ATP6V1B2: variants seen among roughly 807,000 people sequenced by gnomAD.
ATP6V1B2 encodes V-type proton ATPase subunit B, brain isoform.
ATP6V1B2 carries 23 observed loss-of-function variants against 66.7 expected under a neutral mutation model. The observed-to-expected ratio is 0.34, with a 90% CI of 0.25 to 0.49. The LOEUF (loss-of-function observed/expected upper bound fraction) is 0.49. Among genes scored for constraint, ATP6V1B2 ranks in the 20% least tolerant of loss-of-function variants. ATP6V1B2 has a pLI of 0.99. For synonymous variants in ATP6V1B2, 278 were observed against 236.7 expected, an observed-to-expected ratio of 1.17 and a Z score of -1.60; for missense variants, 478 against 650.8, an observed-to-expected ratio of 0.73 and a Z score of 2.89.
intron 3 of ATP6V1B2, 98 bp from the exon 4 acceptor site, chr8:20,210,248 G>A (rs2072779634): frequency 1.1e-6 from 1 of 904,120 alleles, no homozygotes; most frequent in Non-Finnish European, 1.7e-6. Flanking sequence ...TACATTCATG[G>A]GTTTTACATT....
chr8:20,220,222 G>A (rs1181282612), intron 13 of ATP6V1B2, 41 bp from the exon 14 acceptor site: 2 of 1,594,846 alleles, frequency 1.3e-6, no homozygotes, highest in Non-Finnish European at 1.7e-6. Flanking sequence ...TGCTAAGTTG[G>A]AAGTCATTTG....
Position 20,214,881 on chromosome 8 carries a change from T to C in ATP6V1B2, c.991T>C (p.Leu331=). ...RGFPGYMYTD[L]ATIYERAGRV... Reference sequence around the variant, plus strand: ...TTTTCCAGGTTACATGTATACAGATTTAGCCACGATATATGAACGCGCTGG... The same window carrying C: ...TTTTCCAGGTTACATGTATACAGATCTAGCCACGATATATGAACGCGCTGG... The change falls in exon 10 of 14, where the codon TTA becomes CTA. Residue 331 remains leucine, a synonymous_variant. Coordinates refer to ENST00000276390, the MANE Select transcript of ATP6V1B2 (RefSeq NM_001693.4). 6.2e-7 allele frequency: 1 copy of C among 1,613,652 alleles called. No individual in the cohort carries two copies. Among genetic ancestry groups the C allele is most frequent in the Non-Finnish European group, 8.5e-7 (1 of 1,179,722 alleles).
At chr8:20,211,139 G>A in intron 5 of ATP6V1B2, 38 bp from the exon 6 acceptor site, 1 of 1,591,556 alleles carries the variant, frequency 6.3e-7, no homozygotes, top group Non-Finnish European at 8.5e-7. Context: ...GAATAATGCG[G>A]CAACTTGTTG....
chr8:20,219,190 G>T (rs2072884416), intron 13 of ATP6V1B2, among the ~76,000 whole-genome samples: 1 of 152,098 alleles, frequency 6.6e-6, no homozygotes, highest in African/African-American at 2.4e-5. Flanking sequence ...ACCTTGGTGG[G>T]GACAGAGATT....
At chr8:20,207,072 C>T (rs1327736639) in intron 2 of ATP6V1B2, among the ~76,000 whole-genome samples, 1 of 152,026 alleles carries the variant, frequency 6.6e-6, no homozygotes, top group East Asian at 1.9e-4. Flanking sequence ...GTTCTGTATG[C>T]CAGAGTAACT....
chr8:20,211,676 G>T lies in ATP6V1B2; in HGVS notation c.628G>T (p.Ala210Ser), dbSNP rs1218253637. Residue 210 changes from alanine to serine, a missense_variant, in exon 7 of 14, where the codon GCT becomes TCT. Physicochemically the swap from Ala to Ser is moderately conservative, Grantham distance 99. Transcript: ENST00000276390. ...NEIAAQICRQ[A>S]GLVKKSKDVV... The stretch of plus-strand genomic sequence containing the variant: ...GATTGCAGCTCAGATCTGTCGCCAG[G>T]CTGGTTTGGTAAAGAAATCCAAAGA... The T allele has an allele frequency of 1.2e-6, 2 of 1,611,710 alleles. No individual in the cohort carries two copies. The highest frequency in any genetic ancestry group is 1.7e-6 in the Non-Finnish European group (2 of 1,179,444).
intron 13 of ATP6V1B2, among the ~76,000 whole-genome samples, chr8:20,218,720 G>T (rs775292087): frequency 6.6e-6 from 1 of 152,090 alleles, no homozygotes; most frequent in Non-Finnish European, 1.5e-5. Context: ...TCAGTTACCT[G>T]TTCTTTCTGC....
Position 20,197,436 on chromosome 8 carries a change from C to T in ATP6V1B2, c.30C>T (p.Val10=), listed in dbSNP as rs773003055. 1 of 1,545,706 alleles carries T rather than the reference C, an allele frequency of 6.5e-7. No homozygotes were observed. Among genetic ancestry groups the T allele is most frequent in the South Asian group, 1.2e-5 (1 of 85,024 alleles). Residue 10 remains valine, a synonymous_variant, in exon 1 of 14, where the codon GTC becomes GTT. Coordinates refer to ENST00000276390, the MANE Select transcript of ATP6V1B2 (RefSeq NM_001693.4). The part of the protein sequence containing the change: MALRAMRGI[V]NGAAPELPVP... ...CGCTGCGGGCGATGCGGGGGATTGT[C>T]AACGGGGCCGCACCCGAGCTACCCG...
chr8:20,215,143 G>A (rs2072840666), intron 10 of ATP6V1B2, 175 bp downstream of exon 10: 2 of 751,004 alleles, frequency 2.7e-6, no homozygotes, highest in Non-Finnish European at 3.9e-6. Flanking sequence ...TTATCCTATT[G>A]TGGAGGAAAA....
chr8:20,200,179 ATTTTTAT>A (rs2072670930), intron 1 of ATP6V1B2, among the ~76,000 whole-genome samples: 1 of 150,962 alleles, frequency 6.6e-6, no homozygotes, highest in Non-Finnish European at 1.5e-5. Flanking sequence ...ATTTTTTTTA[ATTTTTAT>A]TTTTTATTTT....
Position 20,211,226 on chromosome 8 carries a change from G to T in ATP6V1B2, c.513G>T (p.Gln171His). 6.2e-7 allele frequency: 1 copy of T among 1,613,288 alleles called. No individual in the cohort carries two copies. The highest frequency in any genetic ancestry group is 8.5e-7 in the Non-Finnish European group (1 of 1,179,750). ...GAATCTACCCAGAGGAAATGATTCA[G>T]ACTGGCATTTCGGCCATCGATGGGA... ...QCRIYPEEMI[Q>H]TGISAIDGMN... is the part of the protein sequence containing the mutation. Residue 171 changes from glutamine (Q) to histidine (H), a missense_variant, in exon 6 of 14, where the codon CAG becomes CAT. Gln to His is a conservative substitution (Grantham distance 24). Transcript: ENST00000276390.
Position 20,220,386 on chromosome 8 carries a change from A to T in ATP6V1B2, c.1520A>T (p.Asp507Val), listed in dbSNP as rs771487520. 1 of 1,578,482 alleles carries T rather than the reference A, an allele frequency of 6.3e-7. No homozygotes were observed. The highest frequency in any genetic ancestry group is 8.6e-7 in the Non-Finnish European group (1 of 1,167,444). The part of the protein sequence containing the change: ...QSTLSEFYPR[D>V]SAKH ...ACCCTCAGCGAATTTTACCCTCGAG[A>T]CTCTGCAAAGCATTAGCTGCTGCTT... The change falls in exon 14 of 14, where the codon GAC becomes GTC. Residue 507 changes from aspartate (D) to valine (V), a missense_variant. Physicochemically the swap from Asp to Val is radical, Grantham distance 152 (BLOSUM62 -3). Around this residue, in one of 2 missense-constraint regions of ATP6V1B2, gnomAD observed 326 missense variants for 545.6 expected, o/e 0.60. Transcript: ENST00000276390.
chr8:20,199,501 C>G lies in ATP6V1B2; in HGVS notation c.136+1959C>G, dbSNP rs557859437. Among the ~76,000 whole-genome samples, 21 of 151,992 alleles carry G rather than the reference C, an allele frequency of 1.4e-4. 1 individual carries two copies. The highest frequency in any genetic ancestry group is 4.1e-4 in the South Asian group (2 of 4,820). On this transcript the variant is annotated intron_variant, in intron 1 of 13. Transcript: ENST00000276390. ...AATGATATCATACTTAGGCTAACAA[C>G]TAACAGCATTTGAATATCTTCTTAT...
At chr8:20,199,483 T>C (rs545954119) in intron 1 of ATP6V1B2, among the ~76,000 whole-genome samples, 22 of 152,230 alleles carry the variant, frequency 1.4e-4, no homozygotes, top group African/African-American at 5.1e-4. Flanking sequence ...ATAAATGATA[T>C]CATACTTAGG....
intron 2 of ATP6V1B2, among the ~76,000 whole-genome samples, chr8:20,206,509 G>C (rs2072739537): frequency 1.3e-5 from 2 of 152,048 alleles, no homozygotes; most frequent in Admixed American, 1.3e-4. Flanking sequence ...TACTGATTTA[G>C]GGTATATTAA....
At chr8:20,219,853 G>C (rs540306142) in intron 13 of ATP6V1B2, among the ~76,000 whole-genome samples, 1 of 152,140 alleles carries the variant, frequency 6.6e-6, no homozygotes, top group Non-Finnish European at 1.5e-5. Flanking sequence ...TGGCATTTAT[G>C]TCCTTCTGAG....
chr8:20,207,478 C>T (rs975101607), intron 2 of ATP6V1B2, among the ~76,000 whole-genome samples: 7 of 151,812 alleles, frequency 4.6e-5, no homozygotes, highest in Non-Finnish European at 7.4e-5. Context: ...TACAGAAGAC[C>T]GTTTTTGGGT....
chr8:20,203,067 G>A (rs2072702801), intron 1 of ATP6V1B2, among the ~76,000 whole-genome samples: 1 of 152,154 alleles, frequency 6.6e-6, no homozygotes, highest in African/African-American at 2.4e-5. Context: ...AAAACAGTAG[G>A]GATGGTTTTC....
chr8:20,207,872 A>C (rs1276807908), intron 2 of ATP6V1B2, among the ~76,000 whole-genome samples: 3 of 152,166 alleles, frequency 2.0e-5, no homozygotes, highest in Non-Finnish European at 4.4e-5. Context: ...TTTACTTGAT[A>C]AGTAAGAAAA....
Sources: allele counts gnomAD v4.1 joint callset (sites outside exome capture counted in the v4.1 genomes callset), GRCh38; gene constraint gnomAD v4.1.1; regional missense constraint gnomAD v4.1.1; transcripts MANE v1.5; gene names NCBI Gene and HGNC (gene_info 2026-07-23, HGNC 2026-07-21).